STAG1: variants seen among roughly 807,000 people sequenced by gnomAD.
The protein encoded by STAG1 is cohesin subunit SA-1.
STAG1 carries 26 observed loss-of-function variants against 170.9 expected under a neutral mutation model. The observed-to-expected ratio is 0.15, with a 90% CI of 0.11 to 0.21. The LOEUF is 0.21. Ranked by LOEUF, STAG1 falls within the 10% of genes least tolerant of loss-of-function variation. STAG1 has a pLI of 1.00. For missense variants in STAG1, 964 were observed against 1,509.5 expected (o/e 0.64, Z 5.99); for synonymous variants, 514 against 497.7 (o/e 1.03, Z -0.44).
At chr3:136,474,973 T>C (rs910606396) in intron 10 of STAG1, among the ~76,000 whole-genome samples, 13 of 151,938 alleles carry the variant, frequency 8.6e-5, no homozygotes, top group African/African-American at 3.1e-4. Flanking sequence ...GATACAGGGG[T>C]GAAACAGCCC....
At chr3:136,618,193 C>G (rs1939682305) in intron 3 of STAG1, among the ~76,000 whole-genome samples, 1 of 152,112 alleles carries the variant, frequency 6.6e-6, no homozygotes, top group Non-Finnish European at 1.5e-5. Flanking sequence ...TTCCGATCAC[C>G]TGCTCTGTCA....
intron 5 of STAG1, among the ~76,000 whole-genome samples, chr3:136,546,477 A>G (rs1010595324): frequency 2.6e-5 from 4 of 152,220 alleles, no homozygotes; most frequent in African/African-American, 9.6e-5. Context: ...CAAAATGTCA[A>G]CCAAAAAATT....
intron 23 of STAG1, among the ~76,000 whole-genome samples, chr3:136,372,305 T>C (rs1220531795): frequency 6.6e-6 from 1 of 152,216 alleles, no homozygotes; most frequent in African/African-American, 2.4e-5. Flanking sequence ...CAGGGACAAT[T>C]TGACTTCCTC....
Position 136,580,521 on chromosome 3 carries a change from C to CTTTT in STAG1, c.298-11664_298-11661dup, listed in dbSNP as rs760635116. On this transcript the variant is annotated intron_variant, in intron 4 of 33. Transcript: ENST00000383202. ...AGTTTGCATTTATTCTTGTATAATT[C>CTTTT]TTTTTTTTTTTTTTTTTTTTTTTGA... Among the ~76,000 whole-genome samples, 101 of 100,354 alleles carry CTTTT rather than the reference C, an allele frequency of 1.0e-3. 1 individual carries two copies. Among genetic ancestry groups the CTTTT allele is most frequent in the East Asian group, 4.0e-3 (12 of 3,014 alleles). The allele number at this position is 100,354 out of a possible 152,430, so 65.8% of individuals were successfully genotyped here. A position where few individuals can be genotyped will look rare whatever the true frequency, so the allele number is the denominator to read the frequency against.
At chr3:136,493,656 G>GA (rs549570470) in intron 9 of STAG1, among the ~76,000 whole-genome samples, 926 of 62,928 alleles carry the variant, frequency 0.015, 10 homozygotes, top group African/African-American at 0.02. Flanking sequence ...TCCTGTCTCC[G>GA]AAAAAAAAAA....
intron 3 of STAG1, 107 bp downstream of exon 3, chr3:136,623,039 G>T: frequency 2.2e-6 from 2 of 929,848 alleles, no homozygotes; most frequent in Non-Finnish European, 3.2e-6. Context: ...TTGTGTCACT[G>T]AATTTTTTTT....
chr3:136,743,204 T>C (rs1335228484), intron 1 of STAG1, among the ~76,000 whole-genome samples: 1 of 151,882 alleles, frequency 6.6e-6, no homozygotes, highest in Non-Finnish European at 1.5e-5. Flanking sequence ...CTGTCTCTAC[T>C]AAAAATACAA....
At chr3:136,682,778 A>G (rs1942382361) in intron 1 of STAG1, among the ~76,000 whole-genome samples, 1 of 152,178 alleles carries the variant, frequency 6.6e-6, no homozygotes, top group Non-Finnish European at 1.5e-5. Context: ...ATATATACCC[A>G]AAAGATTTAA....
At chr3:136,510,224 T>C (rs919386170) in intron 7 of STAG1, among the ~76,000 whole-genome samples, 1 of 152,088 alleles carries the variant, frequency 6.6e-6, no homozygotes, top group African/African-American at 2.4e-5. Flanking sequence ...CGGGACCAGG[T>C]GGAGGTAACT....
chr3:136,447,645 C>CCA (rs1364855128), intron 14 of STAG1, among the ~76,000 whole-genome samples: 1 of 128,868 alleles, frequency 7.8e-6, no homozygotes, highest in Non-Finnish European at 1.6e-5. Context: ...CTTAAACTGT[C>CCA]GCCCAGGCTG....
intron 3 of STAG1, among the ~76,000 whole-genome samples, chr3:136,614,394 C>A (rs561238608): frequency 9.9e-5 from 15 of 152,012 alleles, no homozygotes; most frequent in Non-Finnish European, 2.1e-4. Flanking sequence ...AATTAGAGTT[C>A]ATTACTGCAG....
chr3:136,508,155 T>C (rs1933864267), intron 7 of STAG1, among the ~76,000 whole-genome samples: 1 of 152,200 alleles, frequency 6.6e-6, no homozygotes, highest in African/African-American at 2.4e-5. Context: ...ATGGTTAGTC[T>C]TATGTGTCCA....
chr3:136,716,011 T>C (rs776999266), intron 1 of STAG1, among the ~76,000 whole-genome samples: 54 of 152,192 alleles, frequency 3.5e-4, no homozygotes, highest in Middle Eastern at 6.8e-3. Flanking sequence ...AGCAAGAGAA[T>C]TGCTTGAACC....
At chr3:136,643,707 C>T (rs1940886281) in intron 1 of STAG1, among the ~76,000 whole-genome samples, 1 of 152,056 alleles carries the variant, frequency 6.6e-6, no homozygotes. Context: ...TAGGGTTTTG[C>T]CATGTTGCCC....
chr3:136,608,312 G>C lies in STAG1; in HGVS notation c.133-3839C>G, dbSNP rs1021566442. Among the ~76,000 whole-genome samples the C allele has an allele frequency of 1.9e-4, 28 of 145,654 alleles. No homozygotes were observed. The Middle Eastern group carries it at 0.012, about 62-fold the overall frequency. Reference sequence around the variant, plus strand: ...ATACCAGCACAGGGGTAGACAAGGTGGGGAGGATGACTTGATCCCAGGAGT... The same window carrying C: ...ATACCAGCACAGGGGTAGACAAGGTCGGGAGGATGACTTGATCCCAGGAGT... On this transcript the variant is annotated intron_variant, in intron 3 of 33. Coordinates refer to ENST00000383202, the MANE Select transcript of STAG1 (RefSeq NM_005862.3).
At chr3:136,590,064 A>G (rs1239965293) in intron 4 of STAG1, among the ~76,000 whole-genome samples, 2 of 152,182 alleles carry the variant, frequency 1.3e-5, no homozygotes, top group African/African-American at 4.8e-5. Context: ...TGGAAGTTGC[A>G]GTGAGCCAAG....
At chr3:136,531,516 T>A (rs1163612274) in intron 6 of STAG1, among the ~76,000 whole-genome samples, 1 of 149,138 alleles carries the variant, frequency 6.7e-6, no homozygotes, top group Non-Finnish European at 1.5e-5. Flanking sequence ...AACCCAAATG[T>A]CCAACGATGA....
chr3:136,731,902 TAA>T (rs1397836729), intron 1 of STAG1, among the ~76,000 whole-genome samples: 1 of 152,104 alleles, frequency 6.6e-6, no homozygotes, highest in Non-Finnish European at 1.5e-5. Context: ...ATTATTCCAA[TAA>T]ACAGACGGGA....
intron 22 of STAG1, among the ~76,000 whole-genome samples, chr3:136,393,778 T>C (rs1305846623): frequency 1.3e-5 from 2 of 152,078 alleles, no homozygotes; most frequent in Admixed American, 6.6e-5. Flanking sequence ...GTATTTTTAG[T>C]AGAGACAGGG....
Sources: allele counts gnomAD v4.1 joint callset (sites outside exome capture counted in the v4.1 genomes callset), GRCh38; gene constraint gnomAD v4.1.1; transcripts MANE v1.5; gene names NCBI Gene and HGNC (gene_info 2026-07-23, HGNC 2026-07-21).